The following EHMT1 variants were observed in gnomAD, a reference collection of about 807,000 sequenced individuals.
EHMT1 encodes euchromatic histone lysine methyltransferase 1.
In EHMT1, 15 loss-of-function variants were observed where a neutral mutation model predicts 147.2. The ratio of observed to expected loss-of-function variants is 0.10; its 90% CI spans 0.07 to 0.16. The LOEUF is 0.16. Among genes scored for constraint, EHMT1 ranks in the 10% least tolerant of loss-of-function variants. The pLI is 1.00. For synonymous variants in EHMT1, 795 were observed against 709.6 expected (o/e 1.12, Z -1.91); for missense variants, 1,587 against 1,772.4 (o/e 0.90, Z 1.88).
Position 137,717,002 on chromosome 9 carries a change from C to G in EHMT1, c.462C>G (p.Thr154=). 6.2e-7 allele frequency: 1 copy of G among 1,608,116 alleles called. No homozygotes were observed. The highest frequency in any genetic ancestry group is 2.2e-5 in the East Asian group (1 of 44,766). ...CGCTGCCTGGCCATGCTGCAAAAACCCTTCCTGGAGGGGCTGGCAAAGGCA... is the reference window on the plus strand; with the variant it reads ...CGCTGCCTGGCCATGCTGCAAAAACGCTTCCTGGAGGGGCTGGCAAAGGCA... ...ASSLPGHAAK[T]LPGGAGKGRT... is the part of the protein sequence containing the mutation. The change falls in exon 3 of 27, where the codon ACC becomes ACG. Residue 154 remains threonine (T), a synonymous_variant. Coordinates refer to ENST00000460843, the MANE Select transcript of EHMT1 (RefSeq NM_024757.5).
At chr9:137,628,543 G>A (rs767038960) in intron 1 of EHMT1, among the ~76,000 whole-genome samples, 4 of 152,212 alleles carry the variant, frequency 2.6e-5, no homozygotes, top group Non-Finnish European at 4.4e-5. Context: ...GCCTCTGAAA[G>A]TGTTAGGATC....
rs1013023053 is a variant in EHMT1, at chr9:137,812,880, C to G, written c.2868-126C>G. 2.0e-5 allele frequency: 27 copies of G among 1,343,810 alleles called. No individual in the cohort carries two copies. The Admixed American group carries it at 4.1e-4, about 21-fold the overall frequency. The allele number at this position is 1,343,810 out of a possible 1,614,324, so 83.2% of individuals were successfully genotyped here. A position where few individuals can be genotyped will look rare whatever the true frequency, so the allele number is the denominator to read the frequency against. ...AGAGTCATTGCTGAGCAGACTTGTT[C>G]AAGTTATCTCACAGTGAATAGTGTT... On this transcript the variant is annotated intron_variant, in intron 19 of 26. Transcript: ENST00000460843.
Position 137,834,968 on chromosome 9 carries a change from GC to G in EHMT1, c.*16del. The G allele has an allele frequency of 7.1e-7, 1 of 1,401,080 alleles. No individual in the cohort carries two copies. The allele number at this position is 1,401,080 out of a possible 1,614,324, so 86.8% of individuals were successfully genotyped here. On this transcript the variant is annotated 3_prime_UTR_variant, in exon 27 of 27. Coordinates refer to ENST00000460843, the MANE Select transcript of EHMT1 (RefSeq NM_024757.5). ...ACCCCCTATGAGACGCCGCCGGCCA[GC>G]GGGGCGCTCGGGAGCCAGGGACCGC... is the stretch of plus-strand genomic sequence containing the variant.
rs965796996 is a variant in EHMT1, at chr9:137,715,453, G to A, written c.86-1173G>A. ...TGCGCTCATAGGACTTAACGTCCTC[G>A]GGTGGAAGGACAGACGGCCAGCATG... On this transcript the variant is annotated intron_variant, in intron 2 of 26. Coordinates refer to ENST00000460843, the MANE Select transcript of EHMT1 (RefSeq NM_024757.5). 1.3e-5 allele frequency: 11 copies of A among 815,612 alleles called. No homozygotes were observed. The African/African-American group carries it at 1.9e-4, about 14-fold the overall frequency. The allele number at this position is 815,612 out of a possible 1,614,324, so 50.5% of individuals were successfully genotyped here. A position where few individuals can be genotyped will look rare whatever the true frequency, so the allele number is the denominator to read the frequency against.
At chr9:137,826,045 G>A (rs2132987671) in intron 25 of EHMT1, among the ~76,000 whole-genome samples, 1 of 151,254 alleles carries the variant, frequency 6.6e-6, no homozygotes, top group African/African-American at 2.4e-5. Flanking sequence ...TTCTGTTAAT[G>A]TGAATATCTG....
At chr9:137,827,391 C>T (rs2133013733) in intron 25 of EHMT1, among the ~76,000 whole-genome samples, 1 of 152,160 alleles carries the variant, frequency 6.6e-6, no homozygotes, top group East Asian at 1.9e-4. Context: ...ATGTGGAGAG[C>T]CACGAACACA....
chr9:137,814,343 A>G, intron 21 of EHMT1, 88 bp from the exon 22 acceptor site: 1 of 1,405,198 alleles, frequency 7.1e-7, no homozygotes, highest in Non-Finnish European at 1.0e-6. Flanking sequence ...AATCAGGGTT[A>G]ACAGAACTGG....
chr9:137,760,217 C>T (rs1407759452), intron 9 of EHMT1, among the ~76,000 whole-genome samples: 4 of 152,206 alleles, frequency 2.6e-5, no homozygotes, highest in African/African-American at 9.6e-5. Flanking sequence ...GGTAGTTCCA[C>T]TGTGGGAACA....
chr9:137,830,007 C>G (rs1482692411), intron 25 of EHMT1, among the ~76,000 whole-genome samples: 1 of 152,172 alleles, frequency 6.6e-6, no homozygotes, highest in African/African-American at 2.4e-5. Context: ...ATTTAGTTAT[C>G]AAGTTTCAGA....
rs1564697340 is a variant in EHMT1, at chr9:137,754,257, G to A, written c.1335G>A (p.Arg445=). The A allele has an allele frequency of 1.2e-6, 2 of 1,614,142 alleles. No individual in the cohort carries two copies. The highest frequency in any genetic ancestry group is 1.7e-6 in the Non-Finnish European group (2 of 1,180,008). ...GGATCAAGCCAGCCAGGAAAAGGAG[G>A]CGGAGAAGTAGAAAGAAGCCCAGCG... ...SPWIKPARKR[R]RRSRKKPSGA... The change falls in exon 8 of 27, where the codon AGG becomes AGA. Residue 445 remains arginine (R), a synonymous_variant. Coordinates refer to ENST00000460843, the MANE Select transcript of EHMT1 (RefSeq NM_024757.5).
At chr9:137,756,491 G>C (rs1949386445) in intron 8 of EHMT1, among the ~76,000 whole-genome samples, 1 of 152,220 alleles carries the variant, frequency 6.6e-6, no homozygotes, top group South Asian at 2.1e-4. Context: ...TGAAAAGAGA[G>C]GGTTGCGGGA....
intron 1 of EHMT1, among the ~76,000 whole-genome samples, chr9:137,665,290 G>T (rs191962837): frequency 2.1e-4 from 32 of 152,280 alleles, no homozygotes; most frequent in African/African-American, 7.2e-4. Flanking sequence ...GTGTATAAGG[G>T]CCTCTCCCTG....
At chr9:137,624,602 G>A (rs1843139426) in intron 1 of EHMT1, among the ~76,000 whole-genome samples, 1 of 151,990 alleles carries the variant, frequency 6.6e-6, no homozygotes, top group African/African-American at 2.4e-5. Context: ...TTACAGGTTT[G>A]AGCCACCATG....
chr9:137,635,602 C>T (rs924870141), intron 1 of EHMT1, among the ~76,000 whole-genome samples: 41 of 151,466 alleles, frequency 2.7e-4, no homozygotes, highest in African/African-American at 8.5e-4. Flanking sequence ...GGGTGGATCA[C>T]GAGGTCAGGA....
In EHMT1 at chr9:137,782,817, C is replaced by G. The variant is rs985131847; in HGVS notation, c.2382+420C>G. Among the ~76,000 whole-genome samples, 4 of 152,180 alleles carry G rather than the reference C, an allele frequency of 2.6e-5. No homozygotes were observed. Among genetic ancestry groups the G allele is most frequent in the African/African-American group, 9.7e-5 (4 of 41,448 alleles). ...ACGTCGTCTACAGGGTATGTTGTGT[C>G]TGTCGTTAATCACTGGCTTGTGTTT... On this transcript the variant is annotated intron_variant, in intron 15 of 26. Transcript: ENST00000460843. The surrounding 1 kb of genome is among the most constrained non-coding windows in gnomAD (Gnocchi z 5.7).
At chr9:137,673,174 A>T (rs369151194) in intron 1 of EHMT1, among the ~76,000 whole-genome samples, 2 of 152,214 alleles carry the variant, frequency 1.3e-5, no homozygotes, top group South Asian at 2.1e-4. Context: ...GACATCCTAG[A>T]GTGTGTAGGA....
chr9:137,687,356 C>T (rs1043545619), intron 1 of EHMT1, among the ~76,000 whole-genome samples: 3 of 152,166 alleles, frequency 2.0e-5, no homozygotes, highest in African/African-American at 7.2e-5. Context: ...GCAACAATAA[C>T]AGCAGCAAAG....
chr9:137,828,510 G>A lies in EHMT1; in HGVS notation c.3541-5839G>A, dbSNP rs982375728. ...GAGACCCCATGACCTCTAGGGTCAC[G>A]CGGAGGCTCCTGGGGTCAGACTGAG... On this transcript the variant is annotated intron_variant, in intron 25 of 26. Transcript: ENST00000460843. The surrounding 1 kb of genome is among the most constrained non-coding windows in gnomAD (Gnocchi z 5.3). Among the ~76,000 whole-genome samples, 19 of 151,814 alleles carry A rather than the reference G, an allele frequency of 1.3e-4. No individual in the cohort carries two copies. Among genetic ancestry groups the A allele is most frequent in the African/African-American group, 3.9e-4 (16 of 41,374 alleles).
intron 1 of EHMT1, among the ~76,000 whole-genome samples, chr9:137,645,680 A>G (rs996124674): frequency 6.6e-6 from 1 of 152,088 alleles, no homozygotes; most frequent in African/African-American, 2.4e-5. Flanking sequence ...TCGATTCCAA[A>G]TGGAATCTTA....
Sources: allele counts gnomAD v4.1 joint callset (sites outside exome capture counted in the v4.1 genomes callset), GRCh38; gene constraint gnomAD v4.1.1; non-coding constraint Gnocchi (gnomAD v3.1); transcripts MANE v1.5; gene names NCBI Gene and HGNC (gene_info 2026-07-23, HGNC 2026-07-21).